The following TBX15 variants were observed in gnomAD, a reference collection of about 807,000 sequenced individuals.
TBX15 encodes the protein T-box transcription factor TBX15.
Under a neutral mutation model 53.9 loss-of-function variants are expected in TBX15, and 18 were observed. The ratio of observed to expected loss-of-function variants is 0.33; its 90% confidence interval spans 0.23 to 0.49. TBX15 has a LOEUF of 0.49. TBX15 is among the 20% of genes least tolerant of loss of function. The probability of loss-of-function intolerance (pLI) is 0.98; values close to 1 mark genes in which losing one functional copy is unlikely to be tolerated. For synonymous variants in TBX15, 295 were observed against 278.0 expected, an observed-to-expected ratio of 1.06 and a Z score of -0.61; for missense variants, 692 against 749.5, an observed-to-expected ratio of 0.92 and a Z score of 0.90.
chr1:118,969,290 G>T (rs755798724), intron 1 of TBX15, among the ~76,000 whole-genome samples: 19 of 152,112 alleles, frequency 1.2e-4, no homozygotes, highest in Non-Finnish European at 2.4e-4. Flanking sequence ...TTATTATAGG[G>T]GTGTCAAGGC....
intron 1 of TBX15, among the ~76,000 whole-genome samples, chr1:118,939,187 G>T (rs1015631371): frequency 2.7e-4 from 41 of 151,634 alleles, no homozygotes; most frequent in African/African-American, 9.2e-4. Context: ...CAGGCAGATC[G>T]CTTGAGCCCA....
chr1:118,914,201 T>G (rs367887671), intron 5 of TBX15, 22 bp from the exon 6 acceptor site: 3 of 1,607,384 alleles, frequency 1.9e-6, no homozygotes, highest in East Asian at 2.2e-5. Context: ...CAAATAAGTA[T>G]GAATTGCTTT....
At chr1:118,914,552 A>C (rs1020977869) in intron 5 of TBX15, among the ~76,000 whole-genome samples, 4 of 152,190 alleles carry the variant, frequency 2.6e-5, no homozygotes, top group African/African-American at 9.6e-5. Context: ...ATGCTTGTTG[A>C]ATGAGTGAGT....
At chr1:118,926,460 C>T (rs1311028214) in intron 3 of TBX15, 50 bp downstream of exon 3, 1 of 1,506,616 alleles carries the variant, frequency 6.6e-7, no homozygotes, top group South Asian at 1.1e-5. Context: ...GAAGAATTGT[C>T]TTGGAATGCT....
chr1:118,953,716 G>A (rs559504642), intron 1 of TBX15, among the ~76,000 whole-genome samples: 27 of 152,140 alleles, frequency 1.8e-4, no homozygotes, highest in African/African-American at 6.0e-4. Flanking sequence ...CTTTTTTTAA[G>A]TTTATTGGTT....
rs869094141 is a variant in TBX15 at position 118,939,407 on chromosome 1, C to CAAAAAAAAAAAAAAAAAAAAAAAAAAA, written c.206-7602_206-7576dup. On this transcript the variant is annotated intron_variant, in intron 1 of 7. Coordinates refer to ENST00000369429, the MANE Select transcript of TBX15 (RefSeq NM_001330677.2). Reference sequence around the variant, plus strand: ...AGGGCAACAGAATGAGATCTAGTCTCAAAAAAAAAAAAAAAAAAAAAAAAA... The same window carrying CAAAAAAAAAAAAAAAAAAAAAAAAAAA: ...AGGGCAACAGAATGAGATCTAGTCTCAAAAAAAAAAAAAAAAAAAAAAAAAAAAAAAAAAAAAAAAAAAAAAAAAAAA... Among the ~76,000 whole-genome samples, 12 of 8,884 alleles carry CAAAAAAAAAAAAAAAAAAAAAAAAAAA rather than the reference C, an allele frequency of 1.4e-3. 2 individuals carry two copies. Among genetic ancestry groups the CAAAAAAAAAAAAAAAAAAAAAAAAAAA allele is most frequent in the Non-Finnish European group, 2.1e-3 (10 of 4,838 alleles). 5.8% of individuals were successfully genotyped at this position (8,884 alleles called of 152,430 possible).
intron 5 of TBX15, among the ~76,000 whole-genome samples, chr1:118,917,887 C>T (rs950460173): frequency 6.6e-6 from 1 of 152,196 alleles, no homozygotes; most frequent in African/African-American, 2.4e-5. Context: ...CTTACTCTGG[C>T]CTGCCTCTCC....
chr1:118,913,897 TG>T (rs1455846179), intron 6 of TBX15, among the ~76,000 whole-genome samples: 1 of 152,180 alleles, frequency 6.6e-6, no homozygotes, highest in Non-Finnish European at 1.5e-5. Flanking sequence ...AAATATGATG[TG>T]GGGAAGAAAA....
intron 1 of TBX15, among the ~76,000 whole-genome samples, chr1:118,942,715 C>A (rs2101638530): frequency 6.6e-6 from 1 of 152,322 alleles, no homozygotes; most frequent in South Asian, 2.1e-4. Context: ...TCAGTCACTT[C>A]TGTGAGAAGC....
intron 1 of TBX15, among the ~76,000 whole-genome samples, chr1:118,949,088 C>T (rs1656433355): frequency 6.6e-6 from 1 of 152,158 alleles, no homozygotes; most frequent in Non-Finnish European, 1.5e-5. Flanking sequence ...AATTCAGAAG[C>T]ATGAGGCCCA....
chr1:118,902,522 C>T (rs1423798546), intron 6 of TBX15, among the ~76,000 whole-genome samples: 1 of 152,184 alleles, frequency 6.6e-6, no homozygotes, highest in Non-Finnish European at 1.5e-5. Context: ...AACAAGCATT[C>T]ATTTTTCTAA....
At position 118,884,633 on chromosome 1, in the gene TBX15, C is replaced by A; in HGVS notation, c.*99G>T. ...AAAAAAAAAAAAAAAAAACACGGTT[C>A]CTGTTTTTCAAAGACACTGGACTCC... On this transcript the variant is annotated 3_prime_UTR_variant, in exon 8 of 8. Transcript: ENST00000369429. The A allele has an allele frequency of 5.9e-6, 7 of 1,194,590 alleles. No homozygotes were observed. The highest frequency in any genetic ancestry group is 2.4e-5 in the East Asian group (1 of 41,094). 74.0% of individuals were successfully genotyped at this position (1,194,590 alleles called of 1,614,324 possible).
chr1:118,910,567 C>A (rs1654997535), intron 6 of TBX15, among the ~76,000 whole-genome samples: 1 of 152,180 alleles, frequency 6.6e-6, no homozygotes, highest in African/African-American at 2.4e-5. Context: ...ATATTTCCCA[C>A]CTGCAAGGTG....
chr1:118,913,457 A>C (rs1655089763), intron 6 of TBX15, among the ~76,000 whole-genome samples: 1 of 152,230 alleles, frequency 6.6e-6, no homozygotes, highest in Non-Finnish European at 1.5e-5. Flanking sequence ...ATTTCGAGAA[A>C]AGAAAGAAGT....
chr1:118,984,579 C>G (rs969768015), intron 1 of TBX15, among the ~76,000 whole-genome samples: 2 of 152,234 alleles, frequency 1.3e-5, no homozygotes, highest in African/African-American at 4.8e-5. Flanking sequence ...GAAAGTTCCT[C>G]TGTTGCTCTG....
intron 7 of TBX15, among the ~76,000 whole-genome samples, chr1:118,891,159 TAGAA>T (rs1464459392): frequency 3.3e-5 from 5 of 152,198 alleles, no homozygotes; most frequent in African/African-American, 9.6e-5. Context: ...GTTTCAATCT[TAGAA>T]AGACTCCTAG....
At chr1:118,896,719 T>C (rs1041043305) in intron 7 of TBX15, among the ~76,000 whole-genome samples, 1 of 152,206 alleles carries the variant, frequency 6.6e-6, no homozygotes, top group Admixed American at 6.5e-5. Flanking sequence ...CCTTCTAAGA[T>C]GCAAAGCAGT....
At chr1:118,969,799 T>C (rs1657170471) in intron 1 of TBX15, among the ~76,000 whole-genome samples, 1 of 152,238 alleles carries the variant, frequency 6.6e-6, no homozygotes, top group African/African-American at 2.4e-5. Context: ...ATTTACATAT[T>C]AAGTGCAGAG....
In TBX15 at chr1:118,911,152, C is replaced by T. The variant is rs1361677925; in HGVS notation, c.926+2963G>A. On this transcript the variant is annotated intron_variant, in intron 6 of 7. Coordinates refer to ENST00000369429, the MANE Select transcript of TBX15 (RefSeq NM_001330677.2). Reference sequence around the variant, plus strand: ...GAGTCGGTTTTAATACCTGCTCCAGCTTTACTTTGTGACAGTAGGAAAACT... The same window carrying T: ...GAGTCGGTTTTAATACCTGCTCCAGTTTTACTTTGTGACAGTAGGAAAACT... Among the ~76,000 whole-genome samples, 4 of 152,136 alleles carry T rather than the reference C, an allele frequency of 2.6e-5. No individual in the cohort carries two copies. The South Asian group carries it at 6.2e-4, about 24-fold the overall frequency.
Sources: allele counts gnomAD v4.1 joint callset (sites outside exome capture counted in the v4.1 genomes callset), GRCh38; gene constraint gnomAD v4.1.1; transcripts MANE v1.5; gene names NCBI Gene and HGNC (gene_info 2026-07-23, HGNC 2026-07-21).